B3GNT8: variants seen among roughly 807,000 people sequenced by gnomAD.
B3GNT8 encodes the protein N-acetyllactosaminide beta-1,3-N-acetylglucosaminyltransferase 8.
For synonymous variants in B3GNT8, 258 were observed against 238.3 expected, an observed-to-expected ratio of 1.08 and a Z score of -0.76; for missense variants, 502 against 530.5, an observed-to-expected ratio of 0.95 and a Z score of 0.53.
Position 41,426,243 on chromosome 19 carries a change from C to G in B3GNT8, c.536G>C (p.Arg179Pro). The G allele has an allele frequency of 1.2e-6, 2 of 1,613,526 alleles. No homozygotes were observed. The highest frequency in any genetic ancestry group is 1.3e-5 in the African/African-American group (1 of 75,030). Residue 179 changes from arginine to proline, a missense_variant, in exon 2 of 2, where the codon CGG (arginine) becomes CCG (proline). Coordinates refer to ENST00000691102, the MANE Select transcript of B3GNT8 (RefSeq NM_001385648.2). The surrounding 1 kb of genome is among the most constrained non-coding windows in gnomAD (Gnocchi z 4.9). ...ETWGSPAPGI[R>P]LLFLLGSPVG... ...CGGAGACCCTAGCAGGAAGAGCAGC[C>G]GGATCCCTGGAGCTGGACTGCCCCA...
Position 41,426,597 on chromosome 19 carries a change from C to G in B3GNT8, c.182G>C (p.Arg61Pro), listed in dbSNP as rs762570128. The G allele has an allele frequency of 6.2e-7, 1 of 1,609,314 alleles. No homozygotes were observed. Among genetic ancestry groups the G allele is most frequent in the Non-Finnish European group, 8.5e-7 (1 of 1,177,844 alleles). ...GGGCAGCGGGATAGTCTGGCCCAGG[C>G]GGGTGGAGAGGTTGGCAGGTAGGGT... Reference protein sequence around the residue: ...EPTLPANLSTRLGQTIPLPFA... With the variant: ...EPTLPANLSTPLGQTIPLPFA... Residue 61 changes from arginine to proline, a missense_variant, in exon 2 of 2, where the codon CGC (arginine) becomes CCC (proline). Physicochemically the swap from Arg to Pro is moderately radical, Grantham distance 103 (BLOSUM62 -2). Coordinates refer to ENST00000691102, the MANE Select transcript of B3GNT8 (RefSeq NM_001385648.2). This position sits in a 1 kb window ranked among gnomAD's most constrained non-coding sequence, Gnocchi z 4.9.
rs533754996 is a variant in B3GNT8, at chr19:41,425,693, G to A, written c.1086C>T (p.Arg362=). 11 of 1,559,748 alleles carry A rather than the reference G, an allele frequency of 7.1e-6. No homozygotes were observed. In the African/African-American group the frequency reaches 1.1e-4, roughly 16 times the overall value. The change falls in exon 2 of 2, where the codon CGC becomes CGT. Residue 362 remains arginine (R), a synonymous_variant. Transcript: ENST00000691102. ...PGFLTAWPAD[R]TADHCAFRNL... ...TGCGGAAAGCACAGTGGTCCGCAGTGCGGTCTGCTGGCCAGGCTGTGAGGA... is the reference window on the plus strand; with the variant it reads ...TGCGGAAAGCACAGTGGTCCGCAGTACGGTCTGCTGGCCAGGCTGTGAGGA...
chr19:41,426,030 A>G lies in B3GNT8; in HGVS notation c.749T>C (p.Phe250Ser). 1 of 1,613,254 alleles carries G rather than the reference A, an allele frequency of 6.2e-7. No individual in the cohort carries two copies. The highest frequency in any genetic ancestry group is 8.5e-7 in the Non-Finnish European group (1 of 1,179,678). ...AGCCAGCAGGGCAGGGGTGTGTACAAAGGCATCGTCCTGAGCTCGCAAGAC... is the reference window on the plus strand; with the variant it reads ...AGCCAGCAGGGCAGGGGTGTGTACAGAGGCATCGTCCTGAGCTCGCAAGAC... ...SFVLRAQDDAFVHTPALLAHL... is the reference protein window; with the variant it reads ...SFVLRAQDDASVHTPALLAHL... The change falls in exon 2 of 2, where the codon TTT becomes TCT. Residue 250 changes from phenylalanine to serine, a missense_variant. Coordinates refer to ENST00000691102, the MANE Select transcript of B3GNT8 (RefSeq NM_001385648.2). The surrounding 1 kb of genome is among the most constrained non-coding windows in gnomAD (Gnocchi z 4.9).
Position 41,425,648 on chromosome 19 carries a change from G to A in B3GNT8, c.1131C>T (p.Pro377=). The A allele has an allele frequency of 6.6e-7, 1 of 1,519,250 alleles. No homozygotes were observed. The highest frequency in any genetic ancestry group is 8.8e-7 in the Non-Finnish European group (1 of 1,134,722). 94.1% of individuals were successfully genotyped at this position (1,519,250 alleles called of 1,614,324 possible). A position where few individuals can be genotyped will look rare whatever the true frequency, so the allele number is the denominator to read the frequency against. ...CAFRNLLLVR[P]LGPQASIRLW... is the part of the protein sequence containing the mutation. ...GCCGAATGCTGGCCTGGGGGCCCAGGGGCCGTACCAGCAGCAGGTTGCGGA... is the reference window on the plus strand; with the variant it reads ...GCCGAATGCTGGCCTGGGGGCCCAGAGGCCGTACCAGCAGCAGGTTGCGGA... Residue 377 remains proline (P), a synonymous_variant, in exon 2 of 2, where the codon CCC becomes CCT. Transcript: ENST00000691102.
upstream of B3GNT8, among the ~76,000 whole-genome samples, chr19:41,427,787 G>A (rs536938513): frequency 2.6e-5 from 4 of 152,052 alleles, no homozygotes; most frequent in East Asian, 3.9e-4. This position sits in a 1 kb window ranked among gnomAD's most constrained non-coding sequence, Gnocchi z 5.6. Flanking sequence ...GCCAGGAGGC[G>A]GCAGTGAATG....
At position 41,425,766 on chromosome 19, in the gene B3GNT8, C is replaced by T. The variant is rs1365548233; in HGVS notation, c.1013G>A (p.Gly338Asp). ...APFPFEDVYT[G>D]LCIRALGLVP... is the part of the protein sequence containing the mutation. ...CAGGCCCAGGGCTCGGATGCAAAGG[C>T]CAGTGTAGACGTCCTCAAAGGGGAA... is the stretch of plus-strand genomic sequence containing the variant. Residue 338 changes from glycine to aspartate, a missense_variant, in exon 2 of 2, where the codon GGC becomes GAC. By Grantham distance (94) the Gly-to-Asp change is moderately conservative. Transcript: ENST00000691102. 7.5e-6 allele frequency: 12 copies of T among 1,608,656 alleles called. No homozygotes were observed. Among genetic ancestry groups the T allele is most frequent in the Non-Finnish European group, 1.0e-5 (12 of 1,177,224 alleles).
chr19:41,426,324 A>G lies in B3GNT8; in HGVS notation c.455T>C (p.Leu152Ser), dbSNP rs2039434812. Reference sequence around the variant, plus strand: ...GCGCCCTGGTTCTGACTTGACGGCCAACAGCAGGTAGGGGACATCAGTATC... The same window carrying G: ...GCGCCCTGGTTCTGACTTGACGGCCGACAGCAGGTAGGGGACATCAGTATC... ...CSDTDVPYLL[L>S]AVKSEPGRFA... The change falls in exon 2 of 2, where the codon TTG becomes TCG. Residue 152 changes from leucine (L) to serine (S), a missense_variant. Leu to Ser is a moderately radical substitution (Grantham distance 145, BLOSUM62 -2). Coordinates refer to ENST00000691102, the MANE Select transcript of B3GNT8 (RefSeq NM_001385648.2). This position sits in a 1 kb window ranked among gnomAD's most constrained non-coding sequence, Gnocchi z 4.9. The G allele has an allele frequency of 6.2e-7, 1 of 1,613,392 alleles. No homozygotes were observed. Among genetic ancestry groups the G allele is most frequent in the Non-Finnish European group, 8.5e-7 (1 of 1,180,030 alleles).
upstream of B3GNT8, among the ~76,000 whole-genome samples, chr19:41,428,018 T>G (rs1599970371): frequency 3.0e-5 from 4 of 132,810 alleles, no homozygotes; most frequent in African/African-American, 5.8e-5. The surrounding 1 kb of genome is among the most constrained non-coding windows in gnomAD (Gnocchi z 6.1). Flanking sequence ...AGTGGGAAGG[T>G]GGCCAGGAGG....
At position 41,426,119 on chromosome 19, in the gene B3GNT8, G is replaced by A; in HGVS notation, c.660C>T (p.Asn220=). Residue 220 remains asparagine, a synonymous_variant, in exon 2 of 2, where the codon AAC becomes AAT. Transcript: ENST00000691102. The surrounding 1 kb of genome is among the most constrained non-coding windows in gnomAD (Gnocchi z 4.9). ...GCAGCAGCAGGTCTTTGAGCGTCTG[G>A]TTGAATGGGACGTCGAGGAAGTCCC... ...LLWDFLDVPF[N]QTLKDLLLLA... 1 of 1,613,842 alleles carries A rather than the reference G, an allele frequency of 6.2e-7. No individual in the cohort carries two copies. Among genetic ancestry groups the A allele is most frequent in the Non-Finnish European group, 8.5e-7 (1 of 1,180,002 alleles).
Position 41,426,683 on chromosome 19 carries a change from G to A in B3GNT8, c.96C>T (p.Ser32=), listed in dbSNP as rs760765195. 18 of 1,613,652 alleles carry A rather than the reference G, an allele frequency of 1.1e-5. No homozygotes were observed. The South Asian group carries it at 1.3e-4, about 12-fold the overall frequency. ...TGCCCCGAGGGCTGGGGTAGGCCTTGCTGAGCCGGGACTCGGATGTCCACT... is the reference window on the plus strand; with the variant it reads ...TGCCCCGAGGGCTGGGGTAGGCCTTACTGAGCCGGGACTCGGATGTCCACT... The part of the protein sequence containing the change: ...YIEWTSESRL[S]KAYPSPRGTP... Residue 32 remains serine, a synonymous_variant, in exon 2 of 2, where the codon AGC becomes AGT. Coordinates refer to ENST00000691102, the MANE Select transcript of B3GNT8 (RefSeq NM_001385648.2). The surrounding 1 kb of genome is among the most constrained non-coding windows in gnomAD (Gnocchi z 4.9).
Position 41,425,444 on chromosome 19 carries a change from TG to T in B3GNT8, c.*140del. On this transcript the variant is annotated 3_prime_UTR_variant, in exon 2 of 2. Coordinates refer to ENST00000691102, the MANE Select transcript of B3GNT8 (RefSeq NM_001385648.2). ...CATCTTTCCTGCCCAGGCCCCTGGC[TG>T]GGGGAGGCCAAGGAGTGGCTTAAGT... 1.7e-6 allele frequency: 1 copy of T among 597,734 alleles called. No individual in the cohort carries two copies. The highest frequency in any genetic ancestry group is 2.6e-6 in the Non-Finnish European group (1 of 384,688). 37.0% of individuals were successfully genotyped at this position (597,734 alleles called of 1,614,324 possible). A position where few individuals can be genotyped will look rare whatever the true frequency, so the allele number is the denominator to read the frequency against.
At position 41,425,946 on chromosome 19, in the gene B3GNT8, G is replaced by T. The variant is rs370096077; in HGVS notation, c.833C>A (p.Thr278Asn). The change falls in exon 2 of 2, where the codon ACC becomes AAC. Residue 278 changes from threonine to asparagine, a missense_variant. By Grantham distance (65) the Thr-to-Asn change is moderately conservative (BLOSUM62 0). Coordinates refer to ENST00000691102, the MANE Select transcript of B3GNT8 (RefSeq NM_001385648.2). ...TGGCTTCCGGAGAGGCATGGCCTGG[G>T]TAAAGACCTCACCCAGGTAGAGGCT... ...ARSLYLGEVFTQAMPLRKPGG... is the reference protein window; with the variant it reads ...ARSLYLGEVFNQAMPLRKPGG... 8 of 1,613,186 alleles carry T rather than the reference G, an allele frequency of 5.0e-6. No homozygotes were observed. In the South Asian group the frequency reaches 8.8e-5, roughly 18 times the overall value.
Position 41,425,799 on chromosome 19 carries a change from A to C in B3GNT8, c.980T>G (p.Val327Gly), listed in dbSNP as rs1474855384. Residue 327 changes from valine to glycine, a missense_variant, in exon 2 of 2, where the codon GTG becomes GGG. Physicochemically the swap from Val to Gly is moderately radical, Grantham distance 109. Transcript: ENST00000691102. ...GACGTCCTCAAAGGGGAAGGGTGCC[A>C]CACGGGCTGCCGCCCGCAGCAGCCA... Reference protein sequence around the residue: ...APWLLRAAARVAPFPFEDVYT... With the variant: ...APWLLRAAARGAPFPFEDVYT... 3 of 1,612,784 alleles carry C rather than the reference A, an allele frequency of 1.9e-6. No homozygotes were observed. In the African/African-American group the frequency reaches 4.0e-5, roughly 21 times the overall value.
Position 41,426,483 on chromosome 19 carries a change from GC to G in B3GNT8, c.295del (p.Ala99ProfsTer69). ...GTCAGGGATCTCGGTGGCGGCGGCG[GC>G]CCCCCAAGCCTGGCAGCCCCCCGTT... is the stretch of plus-strand genomic sequence containing the variant. The part of the protein sequence containing the change: ...TETGGCQAWG[A>X]AAATEIPDFA... On this transcript the variant is annotated frameshift_variant, in exon 2 of 2. Transcript: ENST00000691102. LOFTEE classifies it low-confidence loss of function (END_TRUNC). This position sits in a 1 kb window ranked among gnomAD's most constrained non-coding sequence, Gnocchi z 4.9. 2.5e-6 allele frequency: 4 copies of G among 1,588,320 alleles called. No individual in the cohort carries two copies. The highest frequency in any genetic ancestry group is 3.4e-6 in the Non-Finnish European group (4 of 1,168,010).
rs745789727 is a variant in B3GNT8 at position 41,426,393 on chromosome 19, T to C, written c.386A>G (p.Gln129Arg). The change falls in exon 2 of 2, where the codon CAG becomes CGG. Residue 129 changes from glutamine (Q) to arginine (R), a missense_variant. Coordinates refer to ENST00000691102, the MANE Select transcript of B3GNT8 (RefSeq NM_001385648.2). The surrounding 1 kb of genome is among the most constrained non-coding windows in gnomAD (Gnocchi z 4.9). ...LLSAACRSFP[Q>R]WLPGGGGSQV... Reference sequence around the variant, plus strand: ...GCTGCCACCACCTCCAGGCAGCCACTGTGGGAAGCTCCGGCAGGCTGCTGA... The same window carrying C: ...GCTGCCACCACCTCCAGGCAGCCACCGTGGGAAGCTCCGGCAGGCTGCTGA... 10 of 1,612,484 alleles carry C rather than the reference T, an allele frequency of 6.2e-6. No homozygotes were observed. Among genetic ancestry groups the C allele is most frequent in the South Asian group, 3.3e-5 (3 of 91,080 alleles).
At position 41,426,206 on chromosome 19, in the gene B3GNT8, C is replaced by T. The variant is rs145872067; in HGVS notation, c.573G>A (p.Ala191=). 9.9e-6 allele frequency: 16 copies of T among 1,613,558 alleles called. 1 individual carries two copies. Among genetic ancestry groups the T allele is most frequent in the Admixed American group, 6.7e-5 (4 of 59,996 alleles). Residue 191 remains alanine (A), a synonymous_variant, in exon 2 of 2, where the codon GCG becomes GCA. Transcript: ENST00000691102. This position sits in a 1 kb window ranked among gnomAD's most constrained non-coding sequence, Gnocchi z 4.9. ...LFLLGSPVGE[A]GPDLDSLVAW... is the part of the protein sequence containing the mutation. Reference sequence around the variant, plus strand: ...CCACTAGTGAGTCTAGGTCAGGCCCCGCCTCACCCACCGGAGACCCTAGCA... The same window carrying T: ...CCACTAGTGAGTCTAGGTCAGGCCCTGCCTCACCCACCGGAGACCCTAGCA...
At position 41,427,029 on chromosome 19, in the gene B3GNT8, C is replaced by G. The variant is rs181058207; in HGVS notation, c.-32-219G>C. Among the ~76,000 whole-genome samples the G allele has an allele frequency of 6.6e-6, 1 of 152,240 alleles. No homozygotes were observed. The highest frequency in any genetic ancestry group is 2.4e-5 in the African/African-American group (1 of 41,532). On this transcript the variant is annotated intron_variant, in intron 1 of 1. Transcript: ENST00000691102. This position sits in a 1 kb window ranked among gnomAD's most constrained non-coding sequence, Gnocchi z 5.6. ...AGACCTAGGAGTCCCCCATTCCAATCCCGTACCAGCACCCTGTTCTTCCCA... is the reference window on the plus strand; with the variant it reads ...AGACCTAGGAGTCCCCCATTCCAATGCCGTACCAGCACCCTGTTCTTCCCA...
chr19:41,425,973 C>T lies in B3GNT8; in HGVS notation c.806G>A (p.Arg269Gln), dbSNP rs769114165. Residue 269 changes from arginine to glutamine, a missense_variant, in exon 2 of 2, where the codon CGA becomes CAA. Coordinates refer to ENST00000691102, the MANE Select transcript of B3GNT8 (RefSeq NM_001385648.2). ...HLRALPPASA[R>Q]SLYLGEVFTQ... ...AAAGACCTCACCCAGGTAGAGGCTT[C>T]GGGCCGAGGCAGGTGGCAGGGCCCG... 2.7e-5 allele frequency: 44 copies of T among 1,612,336 alleles called. No individual in the cohort carries two copies. The highest frequency in any genetic ancestry group is 1.7e-4 in the African/African-American group (13 of 74,996).
At position 41,425,486 on chromosome 19, in the gene B3GNT8, C is replaced by T; in HGVS notation, c.*99G>A. ...TGGCTTAAGTTGTCCAGCTTCTGGGCCCTCCTCCCTCCCATCAAGACCTGG... is the reference window on the plus strand; with the variant it reads ...TGGCTTAAGTTGTCCAGCTTCTGGGTCCTCCTCCCTCCCATCAAGACCTGG... On this transcript the variant is annotated 3_prime_UTR_variant, in exon 2 of 2. Transcript: ENST00000691102. The T allele has an allele frequency of 2.0e-6, 2 of 1,011,900 alleles. No homozygotes were observed. Among genetic ancestry groups the T allele is most frequent in the Non-Finnish European group, 1.3e-6 (1 of 744,392 alleles). The allele number at this position is 1,011,900 out of a possible 1,614,324, so 62.7% of individuals were successfully genotyped here.
Sources: gnomAD v4.1 joint callset for allele counts (sites outside exome capture counted in the v4.1 genomes callset) on GRCh38, gnomAD v4.1.1 for gene constraint, Gnocchi (gnomAD v3.1) non-coding constraint, MANE v1.5 for transcripts, NCBI Gene and HGNC (gene_info 2026-07-23, HGNC 2026-07-21) for gene names.